The following AFF1 variants were observed in gnomAD, a reference collection of about 807,000 sequenced individuals.
AFF1 encodes AF4/FMR2 family member 1.
A neutral mutation model predicts 121.7 loss-of-function variants in AFF1; 48 were observed. That is an observed-to-expected ratio of 0.39 (90% CI 0.31 to 0.50). The LOEUF is 0.50. Among genes scored for constraint, AFF1 ranks in the 20% least tolerant of loss-of-function variants. AFF1 has a pLI of 0.76. For synonymous variants in AFF1, 613 were observed against 563.0 expected, an observed-to-expected ratio of 1.09 and a Z score of -1.26; for missense variants, 1,523 against 1,511.7, an observed-to-expected ratio of 1.01 and a Z score of -0.12.
chr4:86,987,178 T>C (rs1467602533), intron 2 of AFF1, among the ~76,000 whole-genome samples: 3 of 152,228 alleles, frequency 2.0e-5, no homozygotes, highest in Non-Finnish European at 4.4e-5. Context: ...GAGGACTAAA[T>C]GTCTTTGCTG....
At chr4:86,987,029 A>G (rs1724341015) in intron 2 of AFF1, among the ~76,000 whole-genome samples, 1 of 151,594 alleles carries the variant, frequency 6.6e-6, no homozygotes, top group Non-Finnish European at 1.5e-5. Flanking sequence ...TTTTTTGTAG[A>G]GATGGGGGTC....
intron 2 of AFF1, chr4:86,949,978 C>CT: frequency 6.2e-7 from 1 of 1,614,152 alleles, no homozygotes; most frequent in South Asian, 1.1e-5. Context: ...AGTTGCCGAG[C>CT]TGGCAGATCA....
intron 4 of AFF1, among the ~76,000 whole-genome samples, chr4:87,052,218 GCCT>G (rs1731341172): frequency 1.3e-5 from 2 of 152,110 alleles, no homozygotes; most frequent in African/African-American, 4.8e-5. Flanking sequence ...TTCAAGACCA[GCCT>G]GGGCAACATA....
At position 87,114,937 on chromosome 4, in the gene AFF1, G is replaced by T; in HGVS notation, c.2104G>T (p.Asp702Tyr). The T allele has an allele frequency of 6.2e-7, 1 of 1,612,830 alleles. No individual in the cohort carries two copies. The highest frequency in any genetic ancestry group is 8.5e-7 in the Non-Finnish European group (1 of 1,179,440). Residue 702 changes from aspartate to tyrosine, a missense_variant, in exon 12 of 21, where the codon GAC becomes TAC. By Grantham distance (160) the Asp-to-Tyr change is radical (BLOSUM62 -3). This residue lies in a region of AFF1 where 905 missense variants were observed against 842.5 expected (regional missense o/e 1.07). Coordinates refer to ENST00000395146, the MANE Select transcript of AFF1 (RefSeq NM_001166693.3). ...AGAACCCGCGAAGGACAATGTGGAG[G>T]ACAGGACCCCTGAGCACTTTGCTCT... ...GPEPAKDNVEDRTPEHFALVP... is the reference protein window; with the variant it reads ...GPEPAKDNVEYRTPEHFALVP...
chr4:87,028,334 T>C (rs1173189029), intron 2 of AFF1, among the ~76,000 whole-genome samples: 1 of 152,078 alleles, frequency 6.6e-6, no homozygotes, highest in African/African-American at 2.4e-5. Flanking sequence ...TAAAATGCAG[T>C]GAAAGGCACA....
At chr4:86,941,509 A>G (rs968411046) in intron 1 of AFF1, among the ~76,000 whole-genome samples, 2 of 152,052 alleles carry the variant, frequency 1.3e-5, no homozygotes, top group Non-Finnish European at 2.9e-5. Flanking sequence ...AAATACAAAA[A>G]TTAGCCGGCG....
At position 87,047,129 on chromosome 4, in the gene AFF1, T is replaced by C; in HGVS notation, c.594T>C (p.Asp198=). 1 of 1,614,208 alleles carries C rather than the reference T, an allele frequency of 6.2e-7. No individual in the cohort carries two copies. The highest frequency in any genetic ancestry group is 8.5e-7 in the Non-Finnish European group (1 of 1,180,034). The change falls in exon 4 of 21, where the codon GAT becomes GAC. Residue 198 remains aspartate, a synonymous_variant. Transcript: ENST00000395146. ...ADGDHCASVT[D]SAPERELSPL... ...GAGACCACTGTGCTTCGGTGACAGATTCGGCTCCAGAGAGGGAGCTTTCTC... is the reference window on the plus strand; with the variant it reads ...GAGACCACTGTGCTTCGGTGACAGACTCGGCTCCAGAGAGGGAGCTTTCTC...
At chr4:87,105,141 C>G (rs758332573) in intron 8 of AFF1, among the ~76,000 whole-genome samples, 3 of 152,194 alleles carry the variant, frequency 2.0e-5, no homozygotes, top group Non-Finnish European at 2.9e-5. Context: ...GTTCTGAGTG[C>G]TTTACAAATA....
At chr4:87,108,391 G>C in intron 11 of AFF1, 76 bp downstream of exon 11, 1 of 1,492,832 alleles carries the variant, frequency 6.7e-7, no homozygotes, top group Non-Finnish European at 9.0e-7. Flanking sequence ...AGTGCTGTGG[G>C]CCAGGACTGA....
Position 87,047,156 on chromosome 4 carries a change from C to T in AFF1, c.621C>T (p.Pro207=). 1.2e-6 allele frequency: 2 copies of T among 1,614,194 alleles called. No homozygotes were observed. Among genetic ancestry groups the T allele is most frequent in the Non-Finnish European group, 1.7e-6 (2 of 1,180,032 alleles). ...TDSAPERELS[P]LISLPSPVPP... ...CGGCTCCAGAGAGGGAGCTTTCTCC[C>T]TTAATCTCTTTGCCTTCCCCAGTTC... Residue 207 remains proline, a synonymous_variant, in exon 4 of 21, where the codon CCC becomes CCT. Coordinates refer to ENST00000395146, the MANE Select transcript of AFF1 (RefSeq NM_001166693.3).
At chr4:86,946,840 C>A (rs1359784490) in intron 1 of AFF1, among the ~76,000 whole-genome samples, 1 of 152,118 alleles carries the variant, frequency 6.6e-6, no homozygotes, top group African/African-American at 2.4e-5. Flanking sequence ...TTATCACTCT[C>A]CACCAAAGAG....
At chr4:87,075,445 T>C (rs537111502) in intron 4 of AFF1, among the ~76,000 whole-genome samples, 25 of 152,330 alleles carry the variant, frequency 1.6e-4, no homozygotes, top group Middle Eastern at 3.4e-3. Context: ...ATTTATTAAA[T>C]GAACTGGGGT....
chr4:87,022,592 A>ATATATATATG (rs1465084690), intron 2 of AFF1, among the ~76,000 whole-genome samples: 1 of 99,844 alleles, frequency 1.0e-5, no homozygotes, highest in Non-Finnish European at 1.8e-5. Context: ...ATCTATCTAT[A>ATATATATATG]TCTATCTGTG....
chr4:86,982,382 A>G (rs954016169), intron 2 of AFF1, among the ~76,000 whole-genome samples: 3 of 147,228 alleles, frequency 2.0e-5, no homozygotes, highest in African/African-American at 5.1e-5. Context: ...AAAGAAAAAA[A>G]ATTGGCTTTT....
At chr4:86,980,109 C>T (rs1723620361) in intron 2 of AFF1, among the ~76,000 whole-genome samples, 1 of 152,134 alleles carries the variant, frequency 6.6e-6, no homozygotes, top group Non-Finnish European at 1.5e-5. Flanking sequence ...TGGGGTTTTA[C>T]CATGTTGGCC....
At chr4:87,120,735 C>T (rs1727605469) in intron 12 of AFF1, among the ~76,000 whole-genome samples, 1 of 152,214 alleles carries the variant, frequency 6.6e-6, no homozygotes, top group South Asian at 2.1e-4. Flanking sequence ...TCCTACTCCA[C>T]TTTAGCTACT....
At position 86,980,935 on chromosome 4, in the gene AFF1, G is replaced by A. The variant is rs181230140; in HGVS notation, c.38+32364G>A. On this transcript the variant is annotated intron_variant, in intron 2 of 20. Transcript: ENST00000395146. ...CACGCCTATAATCCCAGCACTTTGCGAGGCTTGAGGCACCCCCCCCCTCCA... is the reference window on the plus strand; with the variant it reads ...CACGCCTATAATCCCAGCACTTTGCAAGGCTTGAGGCACCCCCCCCCTCCA... Among the ~76,000 whole-genome samples, 1,389 of 145,444 alleles carry A rather than the reference G, an allele frequency of 9.6e-3. 46 individuals are homozygous for A. The highest frequency in any genetic ancestry group is 0.033 in the African/African-American group (1,310 of 39,126).
chr4:87,082,159 T>A (rs1723242657), intron 4 of AFF1, among the ~76,000 whole-genome samples: 1 of 152,204 alleles, frequency 6.6e-6, no homozygotes, highest in South Asian at 2.1e-4. Context: ...AGGGGAATAT[T>A]TTTTCCAGAC....
At chr4:86,945,345 G>A (rs1398118468) in intron 1 of AFF1, among the ~76,000 whole-genome samples, 6 of 120,756 alleles carry the variant, frequency 5.0e-5, no homozygotes, top group Non-Finnish European at 8.7e-5. Flanking sequence ...TTTTTTTTGA[G>A]GCAGGGCCTT....
Sources: gnomAD v4.1 joint callset for allele counts (sites outside exome capture counted in the v4.1 genomes callset) on GRCh38, gnomAD v4.1.1 for gene constraint, gnomAD v4.1.1 regional missense constraint, MANE v1.5 for transcripts, NCBI Gene and HGNC (gene_info 2026-07-23, HGNC 2026-07-21) for gene names.